BAALC: variants seen among roughly 807,000 people sequenced by gnomAD.
BAALC encodes the protein brain and acute leukemia cytoplasmic protein.
In BAALC, 9 loss-of-function variants were observed where a neutral mutation model predicts 15.5. That is an observed-to-expected ratio of 0.58 (90% CI 0.35 to 1.02). BAALC has a LOEUF of 1.02. Ranked by LOEUF, BAALC falls within the 50% of genes least tolerant of loss-of-function variation. BAALC has a pLI of 0.02. For missense variants in BAALC, 201 were observed against 192.4 expected (o/e 1.04, Z -0.27); for synonymous variants, 80 against 74.6 (o/e 1.07, Z -0.37).
At chr8:103,212,612 C>G (rs1380200858) in intron 1 of BAALC, among the ~76,000 whole-genome samples, 1 of 151,948 alleles carries the variant, frequency 6.6e-6, no homozygotes, top group Non-Finnish European at 1.5e-5. Flanking sequence ...AATATCCAAG[C>G]AAAGGGGATT....
chr8:103,163,081 A>T (rs73701041), intron 1 of BAALC, among the ~76,000 whole-genome samples: 3,575 of 152,214 alleles, frequency 0.023, 144 homozygotes, highest in African/African-American at 0.081. Flanking sequence ...TGCAGCTTTC[A>T]GCACCACTGA....
chr8:103,154,400 T>G (rs998267234), intron 1 of BAALC, among the ~76,000 whole-genome samples: 3 of 151,984 alleles, frequency 2.0e-5, no homozygotes, highest in African/African-American at 7.3e-5. Context: ...ACCTAGACAT[T>G]TGCAACAACT....
At chr8:103,141,121 C>T (rs1250776920) in intron 1 of BAALC, 64 bp downstream of exon 1, 1 of 1,374,464 alleles carries the variant, frequency 7.3e-7, no homozygotes, top group Non-Finnish European at 9.4e-7. Context: ...GGCCCGGGCA[C>T]TGAGAGAGGA....
chr8:103,186,795 C>A (rs147469868), intron 1 of BAALC, among the ~76,000 whole-genome samples: 50 of 152,240 alleles, frequency 3.3e-4, no homozygotes, highest in African/African-American at 8.9e-4. Context: ...TGTGACTAAG[C>A]AGATGATAAT....
chr8:103,181,477 T>C (rs1266799692), intron 1 of BAALC, among the ~76,000 whole-genome samples: 1 of 152,118 alleles, frequency 6.6e-6, no homozygotes, highest in African/African-American at 2.4e-5. Context: ...TTTCACCATG[T>C]TAGCCAGGAT....
chr8:103,184,002 G>C (rs894294350), intron 1 of BAALC, among the ~76,000 whole-genome samples: 7 of 152,194 alleles, frequency 4.6e-5, no homozygotes, highest in African/African-American at 1.4e-4. Flanking sequence ...TGCCCTACTG[G>C]AGGCTCCTTG....
In BAALC at chr8:103,140,895, A is replaced by G. The variant is rs1810753200; in HGVS notation, c.-3A>G. ...CCGCTGGGCGCTCCCGCGGCGCAGGAGGATGGGCTGCGGCGGGAGCCGGGC... is the reference window on the plus strand; with the variant it reads ...CCGCTGGGCGCTCCCGCGGCGCAGGGGGATGGGCTGCGGCGGGAGCCGGGC... On this transcript the variant is annotated 5_prime_UTR_variant, in exon 1 of 3. Transcript: ENST00000309982. The surrounding 1 kb of genome is among the most constrained non-coding windows in gnomAD (Gnocchi z 4.2). 2.4e-5 allele frequency: 36 copies of G among 1,511,816 alleles called. No homozygotes were observed. Among genetic ancestry groups the G allele is most frequent in the Non-Finnish European group, 3.2e-5 (36 of 1,130,902 alleles). 93.7% of individuals were successfully genotyped at this position (1,511,816 alleles called of 1,614,324 possible). A position where few individuals can be genotyped will look rare whatever the true frequency, so the allele number is the denominator to read the frequency against.
At chr8:103,142,001 C>T (rs1290742901) in intron 1 of BAALC, among the ~76,000 whole-genome samples, 1 of 152,206 alleles carries the variant, frequency 6.6e-6, no homozygotes, top group Non-Finnish European at 1.5e-5. Context: ...AATCTCACTA[C>T]TTATTACATG....
At position 103,228,721 on chromosome 8, in the gene BAALC, T is replaced by A. The variant is rs561117761; in HGVS notation, c.*622T>A. ...ACCAACCCACTGCCCATGGCATGTC[T>A]TTGGGAGGTGTCTGTGAAGCAGTCA... On this transcript the variant is annotated 3_prime_UTR_variant, in exon 3 of 3. Transcript: ENST00000309982. The A allele has an allele frequency of 6.6e-6, 1 of 152,316 alleles. No homozygotes were observed. The highest frequency in any genetic ancestry group is 1.5e-5 in the Non-Finnish European group (1 of 68,108). The allele number at this position is 152,316 out of a possible 1,614,324, so 9.4% of individuals were successfully genotyped here. A position where few individuals can be genotyped will look rare whatever the true frequency, so the allele number is the denominator to read the frequency against.
chr8:103,193,656 A>G (rs1812025373), intron 1 of BAALC, among the ~76,000 whole-genome samples: 1 of 152,238 alleles, frequency 6.6e-6, no homozygotes, highest in Non-Finnish European at 1.5e-5. Context: ...GTTGTCTTTT[A>G]GCAAGTTATT....
At chr8:103,160,883 C>G (rs2129904411) in intron 1 of BAALC, among the ~76,000 whole-genome samples, 1 of 152,132 alleles carries the variant, frequency 6.6e-6, no homozygotes, top group South Asian at 2.1e-4. Context: ...TAGATGGTGC[C>G]CACCCAGATT....
Position 103,145,841 on chromosome 8 carries a change from T to A in BAALC, c.160+4784T>A, listed in dbSNP as rs978143123. 2.0e-5 allele frequency among the ~76,000 whole-genome samples: 3 copies of A among 152,224 alleles called. No individual in the cohort carries two copies. The East Asian group carries it at 5.8e-4, about 29-fold the overall frequency. ...TTTCCTTATGAATCCTGAATTGGTA[T>A]AATTGACTTCAGTAACCCAAATAAG... On this transcript the variant is annotated intron_variant, in intron 1 of 2. Coordinates refer to ENST00000309982, the MANE Select transcript of BAALC (RefSeq NM_024812.3).
At chr8:103,208,290 A>G (rs971560346) in intron 1 of BAALC, 26 of 152,216 alleles carry the variant, frequency 1.7e-4, no homozygotes, top group African/African-American at 6.0e-4. Context: ...CATTTAATAG[A>G]TGAGGAAGTC....
rs1563660655 is a variant in BAALC, at chr8:103,228,211, T to TGAG, written c.*113_*115dup. The stretch of plus-strand genomic sequence containing the variant: ...GCCCCTTGCTGGACCTGAATTCTAC[T>TGAG]GAGTCCCTGGCAAGACTGTCTTACC... On this transcript the variant is annotated 3_prime_UTR_variant, in exon 3 of 3. Transcript: ENST00000309982. 1.4e-6 allele frequency: 1 copy of TGAG among 725,776 alleles called. No homozygotes were observed. Among genetic ancestry groups the TGAG allele is most frequent in the Non-Finnish European group, 2.3e-6 (1 of 432,972 alleles). 45.0% of individuals were successfully genotyped at this position (725,776 alleles called of 1,614,324 possible).
intron 1 of BAALC, among the ~76,000 whole-genome samples, chr8:103,180,579 C>T (rs1428800639): frequency 2.6e-5 from 4 of 152,182 alleles, no homozygotes; most frequent in Non-Finnish European, 4.4e-5. Context: ...GCCCTTGCCT[C>T]GTTCCTCGTG....
intron 1 of BAALC, among the ~76,000 whole-genome samples, chr8:103,210,579 TTTTG>T (rs1471097732): frequency 6.6e-6 from 1 of 152,230 alleles, no homozygotes; most frequent in Non-Finnish European, 1.5e-5. Flanking sequence ...AGGGAAAGGA[TTTTG>T]TTTGTTTTTC....
intron 1 of BAALC, among the ~76,000 whole-genome samples, chr8:103,196,620 T>C (rs1812104026): frequency 6.6e-6 from 1 of 152,206 alleles, no homozygotes; most frequent in Admixed American, 6.5e-5. Context: ...CTACCCATTG[T>C]AGAATGAAGT....
rs1213770818 is a variant in BAALC at position 103,229,777 on chromosome 8, A to G, written c.*1678A>G. On this transcript the variant is annotated 3_prime_UTR_variant, in exon 3 of 3. Coordinates refer to ENST00000309982, the MANE Select transcript of BAALC (RefSeq NM_024812.3). ...CCATACACGCAACTATAGTTTTTCT[A>G]AACCTTCATCATTTTGTGATTCTTT... 2 of 152,224 alleles carry G rather than the reference A, an allele frequency of 1.3e-5. No individual in the cohort carries two copies. The highest frequency in any genetic ancestry group is 2.9e-5 in the Non-Finnish European group (2 of 68,042). The allele number at this position is 152,224 out of a possible 1,614,324, so 9.4% of individuals were successfully genotyped here.
intron 1 of BAALC, among the ~76,000 whole-genome samples, chr8:103,185,946 C>T (rs1811825488): frequency 6.6e-6 from 1 of 152,178 alleles, no homozygotes; most frequent in Non-Finnish European, 1.5e-5. Flanking sequence ...GTCTTCATCT[C>T]TTGTTCATAT....
Sources: allele counts gnomAD v4.1 joint callset (sites outside exome capture counted in the v4.1 genomes callset), GRCh38; gene constraint gnomAD v4.1.1; non-coding constraint Gnocchi (gnomAD v3.1); transcripts MANE v1.5; gene names NCBI Gene and HGNC (gene_info 2026-07-23, HGNC 2026-07-21).